Variants in OSBPL1A observed in about 807,000 individuals in gnomAD.
The protein encoded by OSBPL1A is oxysterol-binding protein-related protein 1.
OSBPL1A carries 80 observed loss-of-function variants against 137.1 expected under a neutral mutation model. That is an observed-to-expected ratio of 0.58 (90% CI 0.49 to 0.70). OSBPL1A has a LOEUF of 0.70. Among genes scored for constraint, OSBPL1A ranks in the 30% least tolerant of loss-of-function variants. The probability of loss-of-function intolerance (pLI) is 0.00; values close to 1 mark genes in which losing one functional copy is unlikely to be tolerated. For missense variants in OSBPL1A, 970 were observed against 1,129.4 expected, an observed-to-expected ratio of 0.86 and a Z score of 2.02; for synonymous variants, 365 against 389.7, an observed-to-expected ratio of 0.94 and a Z score of 0.75.
At chr18:24,362,654 C>A (rs1197943990) in intron 4 of OSBPL1A, among the ~76,000 whole-genome samples, 1 of 150,654 alleles carries the variant, frequency 6.6e-6, no homozygotes, top group African/African-American at 2.5e-5. Context: ...CTATGGTCAA[C>A]AACTAGAATA....
rs530127532 is a variant in OSBPL1A, at chr18:24,251,670, G to A, written c.1282-12288C>T. On this transcript the variant is annotated intron_variant, in intron 15 of 27. Transcript: ENST00000319481. Reference sequence around the variant, plus strand: ...AACTCTTCAATGCCCAGACACCAAAGAACATCGGCAAGCATCAAGGTCATC... The same window carrying A: ...AACTCTTCAATGCCCAGACACCAAAAAACATCGGCAAGCATCAAGGTCATC... 6.1e-4 allele frequency among the ~76,000 whole-genome samples: 93 copies of A among 152,250 alleles called. 1 individual carries two copies. Among genetic ancestry groups the A allele is most frequent in the African/African-American group, 2.1e-3 (86 of 41,534 alleles).
At chr18:24,282,081 C>T (rs2089972929) in intron 14 of OSBPL1A, among the ~76,000 whole-genome samples, 2 of 151,810 alleles carry the variant, frequency 1.3e-5, no homozygotes, top group Non-Finnish European at 2.9e-5. Context: ...CCCCCACTCC[C>T]AACCCTACCC....
intron 16 of OSBPL1A, among the ~76,000 whole-genome samples, chr18:24,234,919 T>A (rs1411741530): frequency 6.6e-6 from 1 of 152,330 alleles, no homozygotes; most frequent in East Asian, 1.9e-4. Context: ...CATTGCTCTT[T>A]ACTAACTGTG....
intron 14 of OSBPL1A, among the ~76,000 whole-genome samples, chr18:24,292,553 G>T (rs1319825674): frequency 6.6e-6 from 1 of 152,072 alleles, no homozygotes; most frequent in Admixed American, 6.6e-5. Flanking sequence ...CGAGAGAGAG[G>T]AGAGAGAGAC....
At chr18:24,299,608 G>A (rs533451256) in intron 14 of OSBPL1A, among the ~76,000 whole-genome samples, 1 of 152,228 alleles carries the variant, frequency 6.6e-6, no homozygotes, top group South Asian at 2.1e-4. Context: ...CAGCTTATAA[G>A]GTTTCTGCTA....
intron 15 of OSBPL1A, among the ~76,000 whole-genome samples, chr18:24,265,086 C>T (rs959578396): frequency 1.1e-4 from 17 of 152,216 alleles, no homozygotes; most frequent in Non-Finnish European, 2.1e-4. Context: ...GTTCTACAAT[C>T]TAATACCGAT....
intron 14 of OSBPL1A, chr18:24,302,427 A>C (rs2090421386): frequency 6.6e-6 from 1 of 151,412 alleles, no homozygotes; most frequent in South Asian, 2.1e-4. Context: ...TAGGCTATTT[A>C]TTTTTCTTTT....
intron 2 of OSBPL1A, among the ~76,000 whole-genome samples, chr18:24,370,127 C>T (rs768599742): frequency 6.6e-6 from 1 of 152,166 alleles, no homozygotes; most frequent in Non-Finnish European, 1.5e-5. Context: ...GAGGCTAAGG[C>T]GGAGGATCAC....
At chr18:24,321,040 A>AAAAAAAG (rs1568025651) in intron 7 of OSBPL1A, among the ~76,000 whole-genome samples, 1 of 146,032 alleles carries the variant, frequency 6.8e-6, no homozygotes, top group Admixed American at 6.8e-5. Context: ...AAAAAAAAAA[A>AAAAAAAG]AAAAAGAAAA....
chr18:24,346,266 G>C (rs1423866902), intron 4 of OSBPL1A, among the ~76,000 whole-genome samples: 2 of 152,116 alleles, frequency 1.3e-5, no homozygotes, highest in East Asian at 3.8e-4. Context: ...GAAATGCTTA[G>C]AGAAAAATCC....
chr18:24,221,631 A>AAT (rs201578671), intron 17 of OSBPL1A, among the ~76,000 whole-genome samples: 5,328 of 152,306 alleles, frequency 0.035, 120 homozygotes, highest in South Asian at 0.072. Context: ...ACATTTATGA[A>AAT]AGAGACCCAT....
intron 2 of OSBPL1A, among the ~76,000 whole-genome samples, chr18:24,369,647 C>T (rs1568059590): frequency 6.6e-6 from 1 of 152,168 alleles, no homozygotes; most frequent in Non-Finnish European, 1.5e-5. Context: ...CTCTAACAAC[C>T]CTCCAAGGGA....
chr18:24,204,253 C>T (rs920026839), intron 17 of OSBPL1A, among the ~76,000 whole-genome samples: 5 of 152,140 alleles, frequency 3.3e-5, no homozygotes, highest in African/African-American at 1.2e-4. Context: ...AATGATGCTA[C>T]CTTGTTATTT....
intron 15 of OSBPL1A, among the ~76,000 whole-genome samples, chr18:24,251,675 T>G (rs1401343420): frequency 6.6e-6 from 1 of 151,922 alleles, no homozygotes; most frequent in African/African-American, 2.4e-5. Context: ...CCAAAGAACA[T>G]CGGCAAGCAT....
intron 4 of OSBPL1A, among the ~76,000 whole-genome samples, chr18:24,366,149 A>G (rs1213924638): frequency 1.3e-5 from 2 of 152,102 alleles, no homozygotes; most frequent in Non-Finnish European, 2.9e-5. Flanking sequence ...TCAGGAAAAC[A>G]TGTTTACTGC....
intron 2 of OSBPL1A, among the ~76,000 whole-genome samples, chr18:24,372,314 T>C (rs1209457851): frequency 1.3e-5 from 2 of 152,010 alleles, no homozygotes; most frequent in African/African-American, 2.4e-5. Context: ...AAAGAGGTAT[T>C]TCATGGCCCT....
chr18:24,171,553 GA>G, intron 22 of OSBPL1A, 55 bp from the exon 23 acceptor site: 1 of 1,353,454 alleles, frequency 7.4e-7, no homozygotes. Context: ...CAGCAGTAGA[GA>G]AAAATAACTG....
rs115270173 is a variant in OSBPL1A, at chr18:24,251,573, A to G, written c.1282-12191T>C. On this transcript the variant is annotated intron_variant, in intron 15 of 27. Coordinates refer to ENST00000319481, the MANE Select transcript of OSBPL1A (RefSeq NM_080597.4). ...TGGGCTTGGGACCCAAGTCTCTTCG[A>G]ATACCTGGAAAGCCTTCTCAAGAAG... Among the ~76,000 whole-genome samples the G allele has an allele frequency of 6.2e-3, 941 of 152,308 alleles. 10 individuals carry two copies. The highest frequency in any genetic ancestry group is 0.021 in the African/African-American group (865 of 41,568).
intron 17 of OSBPL1A, among the ~76,000 whole-genome samples, chr18:24,215,870 G>A (rs1820878068): frequency 6.6e-6 from 1 of 152,182 alleles, no homozygotes; most frequent in Admixed American, 6.5e-5. Context: ...GGAATGGGAG[G>A]GTTGGGGGAA....
Sources: allele counts gnomAD v4.1 joint callset (sites outside exome capture counted in the v4.1 genomes callset), GRCh38; gene constraint gnomAD v4.1.1; transcripts MANE v1.5; gene names NCBI Gene and HGNC (gene_info 2026-07-23, HGNC 2026-07-21).